Variants in COL11A1 observed in about 807,000 individuals in gnomAD.
COL11A1 encodes the protein collagen alpha-1(XI) chain.
Under a neutral mutation model 265.2 loss-of-function variants are expected in COL11A1, and 74 were observed. The ratio of observed to expected loss-of-function variants is 0.28; its 90% CI spans 0.23 to 0.34. The LOEUF is 0.34. Among genes scored for constraint, COL11A1 ranks in the 10% least tolerant of loss-of-function variants. The pLI is 1.00. For missense variants in COL11A1, 2,165 were observed against 2,263.6 expected (o/e 0.96, Z 0.88); for synonymous variants, 816 against 727.6 (o/e 1.12, Z -1.96).
At chr1:103,091,895 A>G (rs1673353627) in intron 1 of COL11A1, among the ~76,000 whole-genome samples, 1 of 152,124 alleles carries the variant, frequency 6.6e-6, no homozygotes, top group Non-Finnish European at 1.5e-5. Flanking sequence ...GGAATTTTAG[A>G]GTTAATTTCA....
chr1:103,039,027 A>G (rs1668603600), intron 4 of COL11A1, among the ~76,000 whole-genome samples: 1 of 152,194 alleles, frequency 6.6e-6, no homozygotes, highest in Admixed American at 6.6e-5. Context: ...CTCAAATAGA[A>G]CTACAATAAA....
At chr1:103,036,325 T>A (rs1668367389) in intron 4 of COL11A1, among the ~76,000 whole-genome samples, 1 of 1,828 alleles carries the variant, frequency 5.5e-4, no homozygotes, top group African/African-American at 5.8e-4. Context: ...TGCTATCGTA[T>A]ATATATATAT....
intron 41 of COL11A1, among the ~76,000 whole-genome samples, chr1:102,949,346 C>T (rs979797047): frequency 5.9e-5 from 9 of 151,866 alleles, no homozygotes; most frequent in African/African-American, 1.9e-4. Flanking sequence ...TTCAATTTAA[C>T]TTCTGCAGTA....
chr1:103,048,663 C>T (rs550006664), intron 4 of COL11A1, among the ~76,000 whole-genome samples: 1 of 152,104 alleles, frequency 6.6e-6, no homozygotes, highest in Non-Finnish European at 1.5e-5. Flanking sequence ...TTTGCTCTTG[C>T]TTCTCTAGTT....
chr1:103,045,750 T>C (rs1669200107), intron 4 of COL11A1, among the ~76,000 whole-genome samples: 1 of 151,860 alleles, frequency 6.6e-6, no homozygotes, highest in Non-Finnish European at 1.5e-5. Flanking sequence ...GTATATCTCC[T>C]AATGCTATCC....
At chr1:103,037,107 T>C (rs1410495179) in intron 4 of COL11A1, among the ~76,000 whole-genome samples, 2 of 150,654 alleles carry the variant, frequency 1.3e-5, no homozygotes, top group Non-Finnish European at 3.0e-5. Flanking sequence ...ACTTTTTTTG[T>C]TCATTTTTTT....
intron 15 of COL11A1, 114 bp downstream of exon 15, chr1:103,008,349 A>T: frequency 1.3e-6 from 1 of 791,216 alleles, no homozygotes; most frequent in South Asian, 1.6e-5. Flanking sequence ...CTCATACATC[A>T]ATGGAATACT....
At chr1:103,086,460 A>T (rs1196770058) in intron 1 of COL11A1, among the ~76,000 whole-genome samples, 1 of 152,204 alleles carries the variant, frequency 6.6e-6, no homozygotes, top group Non-Finnish European at 1.5e-5. Flanking sequence ...TCTGTTGCCC[A>T]GGCTGGAGTG....
chr1:102,977,056 G>A (rs2616016), intron 35 of COL11A1, among the ~76,000 whole-genome samples: 9,442 of 152,096 alleles, frequency 0.062, 603 homozygotes, highest in African/African-American at 0.16. Flanking sequence ...ATGATCATGA[G>A]AGAGTCCTTT....
At chr1:103,054,806 C>T (rs952847799) in intron 4 of COL11A1, among the ~76,000 whole-genome samples, 2 of 152,054 alleles carry the variant, frequency 1.3e-5, no homozygotes, top group East Asian at 1.9e-4. Context: ...GACTATGAGG[C>T]AGGAGAATCA....
At chr1:103,035,561 C>T (rs1462922053) in intron 4 of COL11A1, among the ~76,000 whole-genome samples, 4 of 152,058 alleles carry the variant, frequency 2.6e-5, no homozygotes, top group East Asian at 1.9e-4. Flanking sequence ...TTTATTTAAT[C>T]GTTTTTAATT....
At position 102,913,448 on chromosome 1, in the gene COL11A1, A is replaced by C. The variant is rs80104501; in HGVS notation, c.4032+189T>G. ...CATTATAAATACTGTTTATTAATTT[A>C]CATCAAATAAGAAACACTCCATGTA... is the stretch of plus-strand genomic sequence containing the variant. On this transcript the variant is annotated intron_variant, in intron 53 of 66. Coordinates refer to ENST00000370096, the MANE Select transcript of COL11A1 (RefSeq NM_001854.4). Among the ~76,000 whole-genome samples the C allele has an allele frequency of 0.092, 13,956 of 152,198 alleles. 745 individuals are homozygous for C. The highest frequency in any genetic ancestry group is 0.13 in the Middle Eastern group (37 of 292).
intron 9 of COL11A1, among the ~76,000 whole-genome samples, chr1:103,019,790 C>T (rs944895925): frequency 7.0e-6 from 1 of 143,170 alleles, no homozygotes; most frequent in Non-Finnish European, 1.5e-5. Flanking sequence ...TTCCTGTGTC[C>T]ATGTGATCTC....
chr1:103,029,584 T>C (rs1401088454), intron 5 of COL11A1, among the ~76,000 whole-genome samples: 1 of 151,996 alleles, frequency 6.6e-6, no homozygotes, highest in Non-Finnish European at 1.5e-5. Context: ...CATTATGACT[T>C]ACTCAATCTA....
chr1:102,935,197 G>T, intron 44 of COL11A1, 84 bp from the exon 45 acceptor site: 1 of 1,096,278 alleles, frequency 9.1e-7, no homozygotes. Context: ...AGCCTACCAA[G>T]ATCAAACACT....
intron 1 of COL11A1, among the ~76,000 whole-genome samples, chr1:103,093,175 C>A (rs1571265035): frequency 6.6e-6 from 1 of 151,838 alleles, no homozygotes; most frequent in Non-Finnish European, 1.5e-5. Context: ...CAATATGATT[C>A]AAGAAAAAGT....
At chr1:102,883,749 A>G (rs891651476) in intron 63 of COL11A1, among the ~76,000 whole-genome samples, 1 of 152,098 alleles carries the variant, frequency 6.6e-6, no homozygotes, top group African/African-American at 2.4e-5. Context: ...TTCATTTGTA[A>G]CAGTGGAGGT....
At position 102,979,053 on chromosome 1, in the gene COL11A1, C is replaced by T; in HGVS notation, c.2655+7G>A. ...AAATGTACATCATTTTAAATCAAGGCACCTACCGTTGGACCACGCTGACCC... is the reference window on the plus strand; with the variant it reads ...AAATGTACATCATTTTAAATCAAGGTACCTACCGTTGGACCACGCTGACCC... On this transcript the variant is annotated splice_region_variant and intron_variant, in intron 33 of 66. Transcript: ENST00000370096. The T allele has an allele frequency of 6.2e-7, 1 of 1,614,000 alleles. No homozygotes were observed.
At chr1:102,881,169 C>A (rs2101015038) in intron 65 of COL11A1, among the ~76,000 whole-genome samples, 1 of 151,922 alleles carries the variant, frequency 6.6e-6, no homozygotes, top group African/African-American at 2.4e-5. Flanking sequence ...GATTAAACAC[C>A]TTTTAAAGAT....
Sources: allele counts gnomAD v4.1 joint callset (sites outside exome capture counted in the v4.1 genomes callset), GRCh38; gene constraint gnomAD v4.1.1; transcripts MANE v1.5; gene names NCBI Gene and HGNC (gene_info 2026-07-23, HGNC 2026-07-21).